Variants in ITGA2 observed in about 807,000 individuals in gnomAD.
The protein encoded by ITGA2 is integrin subunit alpha 2, also known as integrin alpha-2.
Under a neutral mutation model 146.3 loss-of-function variants are expected in ITGA2, and 101 were observed. The ratio of observed to expected loss-of-function variants is 0.69; its 90% confidence interval spans 0.59 to 0.81. ITGA2 has a LOEUF of 0.81. Ranked by LOEUF, ITGA2 falls within the 40% of genes least tolerant of loss-of-function variation. The pLI, the probability that ITGA2 is intolerant of heterozygous loss-of-function variation, is 0.00. For missense variants in ITGA2, 1,281 were observed against 1,402.7 expected (o/e 0.91, Z 1.39); for synonymous variants, 477 against 487.1 (o/e 0.98, Z 0.27).
chr5:53,062,292 C>T (rs1269299785), intron 12 of ITGA2, among the ~76,000 whole-genome samples: 1 of 151,908 alleles, frequency 6.6e-6, no homozygotes, highest in Non-Finnish European at 1.5e-5. Context: ...CTCTCCTGCT[C>T]TCTGATCACT....
chr5:53,073,269 G>C lies in ITGA2; in HGVS notation c.2571+10G>C. ...ATCATTCTCCCTGCCGGTATGTGAT[G>C]AGACCCTGTACTTACTTCCACCATG... On this transcript the variant is annotated intron_variant, in intron 20 of 29. Transcript: ENST00000296585. The C allele has an allele frequency of 6.2e-7, 1 of 1,611,858 alleles. No individual in the cohort carries two copies. Among genetic ancestry groups the C allele is most frequent in the East Asian group, 2.2e-5 (1 of 44,788 alleles).
chr5:53,059,570 A>G (rs1744806010), intron 10 of ITGA2, among the ~76,000 whole-genome samples: 1 of 151,884 alleles, frequency 6.6e-6, no homozygotes, highest in Admixed American at 6.6e-5. Context: ...CCATTGGCAA[A>G]TATATGCCTT....
At chr5:53,000,011 A>G (rs1183319313) in intron 1 of ITGA2, among the ~76,000 whole-genome samples, 1 of 151,894 alleles carries the variant, frequency 6.6e-6, no homozygotes, top group Non-Finnish European at 1.5e-5. Flanking sequence ...GCTTTCATTT[A>G]TACTCCTACT....
At chr5:53,041,750 A>C (rs2111883638) in intron 2 of ITGA2, among the ~76,000 whole-genome samples, 1 of 152,316 alleles carries the variant, frequency 6.6e-6, no homozygotes, top group East Asian at 1.9e-4. Flanking sequence ...GGATATATTG[A>C]GTTAAATAAA....
At chr5:53,015,925 TC>T (rs1742381301) in intron 1 of ITGA2, among the ~76,000 whole-genome samples, 1 of 149,386 alleles carries the variant, frequency 6.7e-6, no homozygotes, top group African/African-American at 2.5e-5. Context: ...TTTTCACTTC[TC>T]TGTTTGCTTG....
chr5:53,020,462 G>A (rs937577847), intron 1 of ITGA2, among the ~76,000 whole-genome samples: 2 of 152,044 alleles, frequency 1.3e-5, no homozygotes, highest in Non-Finnish European at 2.9e-5. Context: ...GACATGCCTA[G>A]CAAATGAAAG....
At chr5:53,029,927 A>G (rs1340030066) in intron 2 of ITGA2, among the ~76,000 whole-genome samples, 1 of 152,258 alleles carries the variant, frequency 6.6e-6, no homozygotes, top group Non-Finnish European at 1.5e-5. Context: ...TAGTTCATAG[A>G]CATGGCCTAG....
At chr5:53,028,324 G>T (rs777127187) in intron 2 of ITGA2, among the ~76,000 whole-genome samples, 2 of 152,184 alleles carry the variant, frequency 1.3e-5, no homozygotes, top group African/African-American at 2.4e-5. Context: ...GAAGAGGCTG[G>T]AGATGAGTGT....
At chr5:53,029,499 T>G (rs1408942378) in intron 2 of ITGA2, among the ~76,000 whole-genome samples, 1 of 152,186 alleles carries the variant, frequency 6.6e-6, no homozygotes, top group Non-Finnish European at 1.5e-5. Context: ...TTCCCTAAGA[T>G]CATCACTCAA....
At position 53,060,089 on chromosome 5, in the gene ITGA2, G is replaced by T. The variant is rs1033106006; in HGVS notation, c.1312+77G>T. ...CCAGCTCTTTGTTGAATCTCAGGGT[G>T]AGTTCAGCAAAATCCTTGAACTGTC... is the stretch of plus-strand genomic sequence containing the variant. On this transcript the variant is annotated intron_variant, in intron 11 of 29. Transcript: ENST00000296585. The T allele has an allele frequency of 9.0e-6, 13 of 1,445,026 alleles. No individual in the cohort carries two copies. In the African/African-American group the frequency reaches 1.5e-4, roughly 17 times the overall value. 89.5% of individuals were successfully genotyped at this position (1,445,026 alleles called of 1,614,324 possible).
intron 1 of ITGA2, among the ~76,000 whole-genome samples, chr5:53,006,201 A>G (rs1392482327): frequency 6.6e-6 from 1 of 152,212 alleles, no homozygotes; most frequent in East Asian, 1.9e-4. Flanking sequence ...CATTCTGCAC[A>G]TGTATCCCAG....
At chr5:53,072,901 A>G (rs1471095818) in intron 19 of ITGA2, among the ~76,000 whole-genome samples, 1 of 151,890 alleles carries the variant, frequency 6.6e-6, no homozygotes, top group African/African-American at 2.4e-5. Flanking sequence ...AAATGGTTCC[A>G]TTCCCTCTAA....
chr5:52,994,884 A>G (rs914328926), intron 1 of ITGA2, among the ~76,000 whole-genome samples: 18 of 152,200 alleles, frequency 1.2e-4, no homozygotes, highest in Admixed American at 3.3e-4. Context: ...ATTGTGATAC[A>G]TTGAAGTGTC....
At chr5:53,010,962 C>T (rs879367792) in intron 1 of ITGA2, among the ~76,000 whole-genome samples, 8 of 151,978 alleles carry the variant, frequency 5.3e-5, no homozygotes, top group Admixed American at 2.0e-4. Flanking sequence ...GATGTGACCA[C>T]AGACATAGAG....
chr5:53,034,852 A>T (rs1167727216), intron 2 of ITGA2, among the ~76,000 whole-genome samples: 1 of 152,230 alleles, frequency 6.6e-6, no homozygotes, highest in Non-Finnish European at 1.5e-5. Flanking sequence ...GGGAAAGCAA[A>T]CAGTGCTTCT....
Position 53,026,885 on chromosome 5 carries a change from C to A in ITGA2, c.185+17C>A, listed in dbSNP as rs200253391. On this transcript the variant is annotated intron_variant, in intron 2 of 29. Transcript: ENST00000296585. ...AGGCAACTGGTAAGAATATTCTCTTCTTTATGATTTCAGTAAAAATACAAA... is the reference window on the plus strand; with the variant it reads ...AGGCAACTGGTAAGAATATTCTCTTATTTATGATTTCAGTAAAAATACAAA... 31 of 1,604,626 alleles carry A rather than the reference C, an allele frequency of 1.9e-5. No individual in the cohort carries two copies. Among genetic ancestry groups the A allele is most frequent in the Non-Finnish European group, 2.6e-5 (31 of 1,171,758 alleles).
At chr5:53,016,099 T>C (rs1287078640) in intron 1 of ITGA2, among the ~76,000 whole-genome samples, 1 of 152,186 alleles carries the variant, frequency 6.6e-6, no homozygotes, top group Non-Finnish European at 1.5e-5. Context: ...AAGGTTAACA[T>C]TGATTTGTGC....
chr5:53,048,097 C>T (rs988034409), intron 4 of ITGA2, among the ~76,000 whole-genome samples: 1 of 152,108 alleles, frequency 6.6e-6, no homozygotes, highest in Non-Finnish European at 1.5e-5. Flanking sequence ...GTTGGGAGAC[C>T]TCATAGGCTC....
At chr5:53,082,143 TTCTC>T (rs1424476898) in intron 26 of ITGA2, among the ~76,000 whole-genome samples, 4 of 152,230 alleles carry the variant, frequency 2.6e-5, no homozygotes, top group Non-Finnish European at 5.9e-5. Context: ...GCTGCTGCAC[TTCTC>T]TGTTTTTCAA....
Sources: gnomAD v4.1 joint callset for allele counts (sites outside exome capture counted in the v4.1 genomes callset) on GRCh38, gnomAD v4.1.1 for gene constraint, MANE v1.5 for transcripts, NCBI Gene and HGNC (gene_info 2026-07-23, HGNC 2026-07-21) for gene names.